Variants in GPR158 observed in about 807,000 individuals in gnomAD.
GPR158 encodes metabotropic glycine receptor.
In GPR158, 30 loss-of-function variants were observed where a neutral mutation model predicts 78.2. That is an observed-to-expected ratio of 0.38 (90% CI 0.29 to 0.52). The LOEUF (loss-of-function observed/expected upper bound fraction) is 0.52, where lower values mean the gene tolerates loss of function less well. GPR158 is among the 20% of genes least tolerant of loss of function. The pLI, the probability that GPR158 is intolerant of heterozygous loss-of-function variation, is 0.83. For synonymous variants in GPR158, 581 were observed against 591.1 expected (o/e 0.98, Z 0.25); for missense variants, 1,463 against 1,523.5 (o/e 0.96, Z 0.66).
intron 5 of GPR158, among the ~76,000 whole-genome samples, chr10:25,483,002 A>G (rs1369529956): frequency 6.6e-6 from 1 of 151,740 alleles, no homozygotes; most frequent in Non-Finnish European, 1.5e-5. Context: ...TAACCTAACC[A>G]TTTCATATTA....
chr10:25,241,137 CTT>C (rs1554787102), intron 2 of GPR158, among the ~76,000 whole-genome samples: 1 of 63,314 alleles, frequency 1.6e-5, no homozygotes, highest in Non-Finnish European at 3.5e-5. Context: ...TTCTTTCTTT[CTT>C]TCTTTCTTTC....
intron 2 of GPR158, among the ~76,000 whole-genome samples, chr10:25,301,089 A>G (rs1854586648): frequency 6.6e-6 from 1 of 152,200 alleles, no homozygotes; most frequent in African/African-American, 2.4e-5. Context: ...TTATGTGATA[A>G]CTATATATGG....
At chr10:25,324,963 C>T (rs943914867) in intron 2 of GPR158, among the ~76,000 whole-genome samples, 14 of 151,712 alleles carry the variant, frequency 9.2e-5, no homozygotes, top group African/African-American at 2.7e-4. Context: ...CTCAACTTCC[C>T]GAGTAGCTGG....
intron 2 of GPR158, among the ~76,000 whole-genome samples, chr10:25,235,759 A>C (rs910405051): frequency 2.0e-5 from 3 of 148,926 alleles, no homozygotes; most frequent in African/African-American, 7.5e-5. Context: ...TGCAGTGGCA[A>C]GATCTCAGTT....
At position 25,544,396 on chromosome 10, in the gene GPR158, A is replaced by G. The variant is rs1443690442; in HGVS notation, c.1405-6580A>G. Among the ~76,000 whole-genome samples, 6 of 152,162 alleles carry G rather than the reference A, an allele frequency of 3.9e-5. No homozygotes were observed. In the East Asian group the frequency reaches 1.2e-3, roughly 29 times the overall value. ...AAAAATTATTTTGATAACCATGGGCAAATTAGTTAATCCCATTACAACTCA... is the reference window on the plus strand; with the variant it reads ...AAAAATTATTTTGATAACCATGGGCGAATTAGTTAATCCCATTACAACTCA... On this transcript the variant is annotated intron_variant, in intron 5 of 10. Coordinates refer to ENST00000376351, the MANE Select transcript of GPR158 (RefSeq NM_020752.3).
chr10:25,322,262 T>A (rs1854960813), intron 2 of GPR158, among the ~76,000 whole-genome samples: 1 of 151,840 alleles, frequency 6.6e-6, no homozygotes, highest in Admixed American at 6.6e-5. Context: ...GCACCTGTAG[T>A]CCCAGCTACT....
chr10:25,420,009 G>T (rs1486787594), intron 4 of GPR158, among the ~76,000 whole-genome samples: 3 of 151,808 alleles, frequency 2.0e-5, no homozygotes, highest in Non-Finnish European at 4.4e-5. Context: ...CAGGTTATTT[G>T]GTTTTTCATT....
intron 2 of GPR158, among the ~76,000 whole-genome samples, chr10:25,365,848 C>T (rs1400937119): frequency 6.6e-6 from 1 of 151,562 alleles, no homozygotes; most frequent in African/African-American, 2.4e-5. Context: ...TCCAAAACTC[C>T]AGAAGGCCTC....
At chr10:25,240,414 C>G (rs987627115) in intron 2 of GPR158, among the ~76,000 whole-genome samples, 1 of 152,170 alleles carries the variant, frequency 6.6e-6, no homozygotes, top group Non-Finnish European at 1.5e-5. Context: ...GAGGCTGAGG[C>G]AGGAGAATCG....
intron 2 of GPR158, among the ~76,000 whole-genome samples, chr10:25,276,480 GTTAA>G (rs750827764): frequency 2.6e-5 from 4 of 152,188 alleles, no homozygotes; most frequent in African/African-American, 4.8e-5. Context: ...CACTTGAGGA[GTTAA>G]TTAAATTTTG....
chr10:25,300,096 A>G (rs1164756275), intron 2 of GPR158, among the ~76,000 whole-genome samples: 1 of 152,106 alleles, frequency 6.6e-6, no homozygotes, highest in Non-Finnish European at 1.5e-5. Flanking sequence ...CAAATTACCC[A>G]CATTTTAGTG....
chr10:25,334,586 T>C (rs923291869), intron 2 of GPR158, among the ~76,000 whole-genome samples: 5 of 151,992 alleles, frequency 3.3e-5, no homozygotes, highest in African/African-American at 1.2e-4. Flanking sequence ...GAATGTACGA[T>C]ATCTGAAGGA....
intron 4 of GPR158, among the ~76,000 whole-genome samples, chr10:25,451,851 TTACTAA>T (rs773285573): frequency 1.1e-4 from 16 of 152,234 alleles, no homozygotes; most frequent in Non-Finnish European, 2.1e-4. Context: ...ACCACATTTA[TTACTAA>T]CATTTTGTTA....
intron 2 of GPR158, among the ~76,000 whole-genome samples, chr10:25,367,941 A>G (rs1387150637): frequency 6.6e-6 from 1 of 151,882 alleles, no homozygotes; most frequent in Non-Finnish European, 1.5e-5. Context: ...TGTAATAAAC[A>G]GGCTGGATTT....
intron 2 of GPR158, among the ~76,000 whole-genome samples, chr10:25,385,020 C>T (rs1379649672): frequency 1.3e-5 from 2 of 152,008 alleles, no homozygotes; most frequent in East Asian, 3.9e-4. Context: ...TTTAACTGTA[C>T]AATTTGGTAA....
At chr10:25,443,084 C>G (rs1835089838) in intron 4 of GPR158, among the ~76,000 whole-genome samples, 1 of 140,182 alleles carries the variant, frequency 7.1e-6, no homozygotes, top group African/African-American at 3.0e-5. Context: ...CTCTCCCCAC[C>G]CCACTATTTT....
intron 5 of GPR158, among the ~76,000 whole-genome samples, chr10:25,539,673 G>A (rs913421295): frequency 2.6e-5 from 4 of 151,976 alleles, no homozygotes; most frequent in Admixed American, 6.6e-5. Flanking sequence ...TACTATGGAA[G>A]CTATTCAATT....
At chr10:25,409,867 C>CT (rs1268769013) in intron 3 of GPR158, among the ~76,000 whole-genome samples, 2 of 152,028 alleles carry the variant, frequency 1.3e-5, no homozygotes, top group Non-Finnish European at 2.9e-5. Context: ...GTTTTTCTTG[C>CT]TTTTTTCATT....
intron 4 of GPR158, among the ~76,000 whole-genome samples, chr10:25,434,879 G>C (rs968832836): frequency 2.6e-5 from 4 of 152,102 alleles, no homozygotes; most frequent in Admixed American, 2.6e-4. Context: ...TCTTGAAAAA[G>C]GAATTTCATT....
Sources: allele counts gnomAD v4.1 joint callset (sites outside exome capture counted in the v4.1 genomes callset), GRCh38; gene constraint gnomAD v4.1.1; transcripts MANE v1.5; gene names NCBI Gene and HGNC (gene_info 2026-07-23, HGNC 2026-07-21).